DEUP1: variants seen among roughly 807,000 people sequenced by gnomAD.
The protein encoded by DEUP1 is deuterosome assembly protein 1, also known as coiled-coil domain containing 67.
In DEUP1, 82 loss-of-function variants were observed where a neutral mutation model predicts 87.4. The ratio of observed to expected loss-of-function variants is 0.94; its 90% CI spans 0.78 to 1.13. DEUP1 has a LOEUF of 1.13. Ranked by LOEUF, DEUP1 falls within the 50% of genes most tolerant of loss-of-function variation. DEUP1 has a pLI of 0.00. For missense variants in DEUP1, 663 were observed against 681.5 expected (o/e 0.97, Z 0.30); for synonymous variants, 214 against 222.7 (o/e 0.96, Z 0.35).
At position 93,385,513 on chromosome 11, in the gene DEUP1, A is replaced by G. The variant is rs1946498440; in HGVS notation, c.905A>G (p.Glu302Gly). The G allele has an allele frequency of 6.2e-7, 1 of 1,608,640 alleles. No individual in the cohort carries two copies. Among genetic ancestry groups the G allele is most frequent in the African/African-American group, 1.3e-5 (1 of 74,646 alleles). Residue 302 changes from glutamate (E) to glycine (G), a missense_variant, in exon 8 of 14, where the codon GAG becomes GGG. Physicochemically the swap from Glu to Gly is moderately conservative, Grantham distance 98. Transcript: ENST00000298050. ...QLHRELLKIG[E>G]CQNAQGNKTR... ...CACAGAGAATTATTAAAAATAGGAG[A>G]GTGCCAAAATGCTCAAGGAAATAAA...
chr11:93,353,208 C>G (rs1279946874), intron 2 of DEUP1, among the ~76,000 whole-genome samples: 1 of 152,138 alleles, frequency 6.6e-6, no homozygotes, highest in African/African-American at 2.4e-5. Flanking sequence ...GTTACAGGCC[C>G]CATGCATGTT....
chr11:93,427,045 C>T (rs1336519197), intron 13 of DEUP1, among the ~76,000 whole-genome samples: 1 of 80,270 alleles, frequency 1.2e-5, no homozygotes. Flanking sequence ...AATGGCCATA[C>T]TGCCCAAGGT....
intron 7 of DEUP1, among the ~76,000 whole-genome samples, chr11:93,373,590 T>A (rs1361629740): frequency 7.2e-6 from 1 of 138,742 alleles, no homozygotes; most frequent in Admixed American, 7.7e-5. Flanking sequence ...TACATATATA[T>A]ATACGTATAT....
rs559041272 is a variant in DEUP1 at position 93,384,283 on chromosome 11, C to T, written c.790-1115C>T. Among the ~76,000 whole-genome samples the T allele has an allele frequency of 3.9e-5, 6 of 152,326 alleles. No homozygotes were observed. The East Asian group carries it at 1.2e-3, about 29-fold the overall frequency. On this transcript the variant is annotated intron_variant, in intron 7 of 13. Coordinates refer to ENST00000298050, the MANE Select transcript of DEUP1 (RefSeq NM_181645.4). ...TGCACTTCTCCTTCTACTGTTAGAA[C>T]ATGATGTTACTTTTTACTTCACAGA...
rs562982905 is a variant in DEUP1 at position 93,362,207 on chromosome 11, C to T, written c.298-1953C>T. Among the ~76,000 whole-genome samples the T allele has an allele frequency of 5.9e-5, 9 of 152,052 alleles. No individual in the cohort carries two copies. In the South Asian group the frequency reaches 1.2e-3, roughly 21 times the overall value. On this transcript the variant is annotated intron_variant, in intron 4 of 13. Coordinates refer to ENST00000298050, the MANE Select transcript of DEUP1 (RefSeq NM_181645.4). Reference sequence around the variant, plus strand: ...AAAGGACAAGCAACAAAAAATTAGACAAATTTGATGTCATTAAAATTTTAA... The same window carrying T: ...AAAGGACAAGCAACAAAAAATTAGATAAATTTGATGTCATTAAAATTTTAA...
rs79466186 is a variant in DEUP1 at position 93,342,237 on chromosome 11, G to A, written c.29+9949G>A. ...GGAAGGCAGGTTACCGGCTACCACT[G>A]TGGGTGACTGAGTCAAATCCTGACG... On this transcript the variant is annotated intron_variant, in intron 2 of 13. Coordinates refer to ENST00000298050, the MANE Select transcript of DEUP1 (RefSeq NM_181645.4). Among the ~76,000 whole-genome samples, 33 of 152,190 alleles carry A rather than the reference G, an allele frequency of 2.2e-4. 1 individual carries two copies. Among genetic ancestry groups the A allele is most frequent in the Admixed American group, 1.3e-3 (20 of 15,280 alleles).
chr11:93,389,009 T>G lies in DEUP1; in HGVS notation c.936-11T>G. 7.3e-7 allele frequency: 1 copy of G among 1,371,940 alleles called. No individual in the cohort carries two copies. The highest frequency in any genetic ancestry group is 1.0e-6 in the Non-Finnish European group (1 of 982,856). The allele number at this position is 1,371,940 out of a possible 1,614,324, so 85.0% of individuals were successfully genotyped here. ...CTTAATTTTAATCATTATTTTATGT[T>G]TAATTTGTAGACTTGAATCATCTTA... is the stretch of plus-strand genomic sequence containing the variant. On this transcript the variant is annotated splice_polypyrimidine_tract_variant and intron_variant, in intron 8 of 13. Transcript: ENST00000298050.
At chr11:93,335,536 A>T (rs1420470618) in intron 2 of DEUP1, among the ~76,000 whole-genome samples, 1 of 152,140 alleles carries the variant, frequency 6.6e-6, no homozygotes, top group Admixed American at 6.5e-5. Context: ...TCCTTCTTGT[A>T]TTACTAACAA....
At chr11:93,394,748 T>A in intron 10 of DEUP1, 92 bp downstream of exon 10, 1 of 821,338 alleles carries the variant, frequency 1.2e-6, no homozygotes, top group South Asian at 2.2e-5. Flanking sequence ...AAACATTACA[T>A]TTCTTGGTAT....
chr11:93,334,878 G>T (rs1333387942), intron 2 of DEUP1, among the ~76,000 whole-genome samples: 2 of 151,730 alleles, frequency 1.3e-5, no homozygotes, highest in African/African-American at 4.8e-5. Context: ...CCTTTTATTG[G>T]CCTTTTTAAG....
chr11:93,405,990 A>G (rs543488790), intron 11 of DEUP1, among the ~76,000 whole-genome samples: 8 of 152,126 alleles, frequency 5.3e-5, no homozygotes, highest in African/African-American at 1.7e-4. Context: ...GTATATTCGA[A>G]TCTGAGGAGT....
intron 13 of DEUP1, among the ~76,000 whole-genome samples, chr11:93,419,773 T>A (rs1054340416): frequency 6.6e-6 from 1 of 151,918 alleles, no homozygotes; most frequent in Non-Finnish European, 1.5e-5. Flanking sequence ...TTACTCTTTA[T>A]GTTGGCATGA....
chr11:93,362,126 TAGG>T (rs1220182646), intron 4 of DEUP1, among the ~76,000 whole-genome samples: 2 of 151,918 alleles, frequency 1.3e-5, no homozygotes, highest in African/African-American at 4.8e-5. Context: ...GAAGAAAACA[TAGG>T]AGTAAATCTT....
chr11:93,373,650 TAC>T (rs1468660114), intron 7 of DEUP1, among the ~76,000 whole-genome samples: 16 of 140,434 alleles, frequency 1.1e-4, no homozygotes, highest in African/African-American at 2.6e-4. Context: ...TATATATATA[TAC>T]GTATATATAT....
In DEUP1 at chr11:93,364,287, A is replaced by G. The variant is rs1945309324; in HGVS notation, c.425A>G (p.Lys142Arg). ...TTTGAACTGAGCAATTTGAACCAGA[A>G]ATTAGAGGTGAGATATATTATCTTA... is the stretch of plus-strand genomic sequence containing the variant. ...IPFELSNLNQ[K>R]LEEFRAKSRE... The change falls in exon 5 of 14, where the codon AAA (lysine) becomes AGA (arginine). Residue 142 changes from lysine to arginine, a missense_variant. Coordinates refer to ENST00000298050, the MANE Select transcript of DEUP1 (RefSeq NM_181645.4). 4 of 1,607,544 alleles carry G rather than the reference A, an allele frequency of 2.5e-6. No individual in the cohort carries two copies. The African/African-American group carries it at 4.0e-5, about 16-fold the overall frequency.
In DEUP1 at chr11:93,437,722, T is replaced by G; in HGVS notation, c.*3T>G. 1 of 1,546,216 alleles carries G rather than the reference T, an allele frequency of 6.5e-7. No individual in the cohort carries two copies. ...TAAAACAAAATAGACACATATGAGC[T>G]TTTAAACTTTTTTATTTGCTTCCCC... On this transcript the variant is annotated 3_prime_UTR_variant, in exon 14 of 14. Coordinates refer to ENST00000298050, the MANE Select transcript of DEUP1 (RefSeq NM_181645.4).
chr11:93,415,651 G>C (rs2608215), intron 13 of DEUP1, among the ~76,000 whole-genome samples: 1 of 151,472 alleles, frequency 6.6e-6, no homozygotes, highest in Non-Finnish European at 1.5e-5. Context: ...GCTTGCTCCC[G>C]ACATAACCAC....
intron 11 of DEUP1, among the ~76,000 whole-genome samples, chr11:93,403,850 A>G (rs1454730998): frequency 6.6e-6 from 1 of 152,068 alleles, no homozygotes; most frequent in Non-Finnish European, 1.5e-5. Context: ...ATTGGAATGC[A>G]TAAATATAAA....
At chr11:93,354,199 G>A (rs4753458) in intron 2 of DEUP1, among the ~76,000 whole-genome samples, 60,710 of 151,868 alleles carry the variant, frequency 0.4, 12,624 homozygotes, top group Non-Finnish European at 0.43. Flanking sequence ...AAATCTCTAG[G>A]TCAGAGGAAA....
Sources: gnomAD v4.1 joint callset for allele counts (sites outside exome capture counted in the v4.1 genomes callset) on GRCh38, gnomAD v4.1.1 for gene constraint, MANE v1.5 for transcripts, NCBI Gene and HGNC (gene_info 2026-07-23, HGNC 2026-07-21) for gene names.